The following PLCB1 variants were observed in gnomAD, a reference collection of about 807,000 sequenced individuals.
The protein encoded by PLCB1 is phospholipase C beta 1, also known as 1-phosphatidylinositol 4,5-bisphosphate phosphodiesterase beta-1.
Under a neutral mutation model 161.8 loss-of-function variants are expected in PLCB1, and 46 were observed. The ratio of observed to expected loss-of-function variants is 0.28; its 90% CI spans 0.22 to 0.36. The LOEUF (loss-of-function observed/expected upper bound fraction) is 0.36, where lower values mean the gene tolerates loss of function less well. Among genes scored for constraint, PLCB1 ranks in the 10% least tolerant of loss-of-function variants. PLCB1 has a pLI of 1.00. For synonymous variants in PLCB1, 517 were observed against 503.7 expected, an observed-to-expected ratio of 1.03 and a Z score of -0.35; for missense variants, 1,016 against 1,472.5, an observed-to-expected ratio of 0.69 and a Z score of 5.07.
chr20:8,854,129 G>A (rs778423905), intron 31 of PLCB1, among the ~76,000 whole-genome samples: 4 of 152,186 alleles, frequency 2.6e-5, no homozygotes, highest in Non-Finnish European at 5.9e-5. Context: ...TCTGAAAAAT[G>A]TCACCCATGA....
chr20:8,623,538 G>A (rs374049747), intron 3 of PLCB1, among the ~76,000 whole-genome samples: 7 of 151,946 alleles, frequency 4.6e-5, no homozygotes, highest in South Asian at 2.1e-4. Flanking sequence ...ATGCCACTGC[G>A]GGATATGAAA....
At chr20:8,600,562 T>C (rs1437638210) in intron 3 of PLCB1, among the ~76,000 whole-genome samples, 16 of 151,188 alleles carry the variant, frequency 1.1e-4, no homozygotes, top group Non-Finnish European at 1.8e-4. Flanking sequence ...TGTTTGTCTG[T>C]GCCCTGCCCC....
intron 16 of PLCB1, among the ~76,000 whole-genome samples, chr20:8,726,682 C>T (rs57483389): frequency 1.3e-5 from 2 of 151,954 alleles, no homozygotes; most frequent in Non-Finnish European, 2.9e-5. Flanking sequence ...GTAACCCCCC[C>T]TTGACACTGT....
At chr20:8,227,554 A>G (rs1272607990) in intron 2 of PLCB1, among the ~76,000 whole-genome samples, 2 of 152,162 alleles carry the variant, frequency 1.3e-5, no homozygotes, top group East Asian at 3.9e-4. Flanking sequence ...TTCCCCTCTC[A>G]GTGAGTCCAT....
intron 3 of PLCB1, among the ~76,000 whole-genome samples, chr20:8,373,957 A>G (rs931549614): frequency 1.3e-5 from 2 of 152,158 alleles, no homozygotes; most frequent in Non-Finnish European, 2.9e-5. Context: ...ATGTATTGAA[A>G]ATTTCAGCGG....
intron 4 of PLCB1, among the ~76,000 whole-genome samples, chr20:8,642,030 C>T (rs1988971966): frequency 6.6e-6 from 1 of 152,170 alleles, no homozygotes; most frequent in African/African-American, 2.4e-5. Flanking sequence ...ATTTGAATAA[C>T]ATGATCTGAA....
chr20:8,352,053 G>A (rs866604065), intron 2 of PLCB1, among the ~76,000 whole-genome samples: 5 of 151,944 alleles, frequency 3.3e-5, no homozygotes, highest in Non-Finnish European at 7.4e-5. Flanking sequence ...ATTTATAGAA[G>A]CCTTATTCTT....
At chr20:8,845,313 T>C (rs1986653150) in intron 31 of PLCB1, among the ~76,000 whole-genome samples, 1 of 152,058 alleles carries the variant, frequency 6.6e-6, no homozygotes, top group African/African-American at 2.4e-5. Context: ...CTTCATATAG[T>C]TTGAAGGTAT....
chr20:8,869,188 TGA>T (rs1987528883), intron 31 of PLCB1, among the ~76,000 whole-genome samples: 2 of 135,974 alleles, frequency 1.5e-5, no homozygotes, highest in Admixed American at 8.1e-5. Flanking sequence ...GTTATTATCT[TGA>T]TTATTTTTTT....
chr20:8,193,530 C>T (rs2051992385), intron 2 of PLCB1, among the ~76,000 whole-genome samples: 1 of 151,800 alleles, frequency 6.6e-6, no homozygotes, highest in South Asian at 2.1e-4. Context: ...CATAAAGGAA[C>T]TAGAAGGAGA....
At chr20:8,237,400 A>G (rs1395851571) in intron 2 of PLCB1, among the ~76,000 whole-genome samples, 1 of 152,030 alleles carries the variant, frequency 6.6e-6, no homozygotes, top group Non-Finnish European at 1.5e-5. Flanking sequence ...TAAAAAGAAA[A>G]AATGCCCAGA....
intron 9 of PLCB1, among the ~76,000 whole-genome samples, chr20:8,660,556 T>C (rs913915295): frequency 1.3e-5 from 2 of 152,020 alleles, no homozygotes; most frequent in African/African-American, 4.8e-5. Flanking sequence ...ATCCAATGCC[T>C]CCATACATCA....
rs78498887 is a variant in PLCB1 at position 8,424,984 on chromosome 20, C to T, written c.246+53534C>T. Among the ~76,000 whole-genome samples, 548 of 152,232 alleles carry T rather than the reference C, an allele frequency of 3.6e-3. 5 individuals are homozygous for T. Among genetic ancestry groups the T allele is most frequent in the African/African-American group, 0.012 (510 of 41,532 alleles). On this transcript the variant is annotated intron_variant, in intron 3 of 31. Transcript: ENST00000338037. Reference sequence around the variant, plus strand: ...CCCATTGGCCACTTCGTGCTCACCTCATGTAACTGAAGCAGTAGCCTGCAA... The same window carrying T: ...CCCATTGGCCACTTCGTGCTCACCTTATGTAACTGAAGCAGTAGCCTGCAA...
At chr20:8,209,537 T>A (rs2123141483) in intron 2 of PLCB1, among the ~76,000 whole-genome samples, 1 of 152,286 alleles carries the variant, frequency 6.6e-6, no homozygotes, top group South Asian at 2.1e-4. Flanking sequence ...CTTAAACTTA[T>A]TTGTTTTTCT....
chr20:8,265,272 T>TA (rs1440438347), intron 2 of PLCB1, among the ~76,000 whole-genome samples: 1 of 152,122 alleles, frequency 6.6e-6, no homozygotes. Flanking sequence ...TGAATGCATA[T>TA]AAAAAAACAC....
intron 2 of PLCB1, among the ~76,000 whole-genome samples, chr20:8,303,801 G>C (rs572026621): frequency 2.0e-5 from 3 of 152,130 alleles, no homozygotes; most frequent in African/African-American, 7.2e-5. Context: ...GTGCCTCATC[G>C]AGTCCCAAAT....
At chr20:8,615,655 T>G (rs1988023978) in intron 3 of PLCB1, among the ~76,000 whole-genome samples, 1 of 152,088 alleles carries the variant, frequency 6.6e-6, no homozygotes, top group South Asian at 2.1e-4. Context: ...AACACAAGAA[T>G]CAAAGGGAAA....
intron 2 of PLCB1, among the ~76,000 whole-genome samples, chr20:8,271,212 C>T (rs1021841775): frequency 2.0e-5 from 3 of 152,048 alleles, no homozygotes; most frequent in African/African-American, 7.2e-5. Context: ...GAGATGAGGA[C>T]GATTACACTT....
chr20:8,694,146 A>G (rs1012009118), intron 10 of PLCB1, among the ~76,000 whole-genome samples: 7 of 152,232 alleles, frequency 4.6e-5, no homozygotes, highest in African/African-American at 1.7e-4. Flanking sequence ...ACAAAAATAA[A>G]TCAGCTTTGA....
Sources: gnomAD v4.1 joint callset for allele counts (sites outside exome capture counted in the v4.1 genomes callset) on GRCh38, gnomAD v4.1.1 for gene constraint, MANE v1.5 for transcripts, NCBI Gene and HGNC (gene_info 2026-07-23, HGNC 2026-07-21) for gene names.